Variants in SLC9A8 observed in about 807,000 individuals in gnomAD.
SLC9A8 encodes sodium/hydrogen exchanger 8.
Under a neutral mutation model 66.6 loss-of-function variants are expected in SLC9A8, and 48 were observed. The observed-to-expected ratio is 0.72, with a 90% CI of 0.57 to 0.92. The LOEUF (loss-of-function observed/expected upper bound fraction) is 0.92, where lower values mean the gene tolerates loss of function less well. Ranked by LOEUF, SLC9A8 falls within the 40% of genes least tolerant of loss-of-function variation. SLC9A8 has a pLI of 0.00. For missense variants in SLC9A8, 599 were observed against 747.3 expected, an observed-to-expected ratio of 0.80 and a Z score of 2.31; for synonymous variants, 274 against 282.6, an observed-to-expected ratio of 0.97 and a Z score of 0.31.
intron 14 of SLC9A8, chr20:49,884,274 G>GACACACACACACACGACACACAC (rs2089780574): frequency 5.8e-4 from 70 of 120,506 alleles, no homozygotes; most frequent in African/African-American, 1.0e-3. Flanking sequence ...ACACACACAC[G>GACACACACACACACGACACACAC]ACACACACAC....
chr20:49,840,914 C>G (rs1160913899), intron 4 of SLC9A8, among the ~76,000 whole-genome samples: 1 of 149,834 alleles, frequency 6.7e-6, no homozygotes, highest in African/African-American at 2.5e-5. Flanking sequence ...CTCAGGAGCT[C>G]GAGACCAGCC....
chr20:49,865,493 G>T (rs944061018), intron 10 of SLC9A8, among the ~76,000 whole-genome samples: 2 of 152,198 alleles, frequency 1.3e-5, no homozygotes, highest in Non-Finnish European at 2.9e-5. Flanking sequence ...ACAAGCAGTG[G>T]TGGTAGTGAG....
At chr20:49,834,434 TA>T (rs2087434968) in intron 3 of SLC9A8, among the ~76,000 whole-genome samples, 1 of 25,966 alleles carries the variant, frequency 3.9e-5, no homozygotes, top group South Asian at 7.0e-4. Context: ...ATATATACTG[TA>T]TATATATATA....
chr20:49,825,735 CTT>C (rs1212852526), intron 3 of SLC9A8, among the ~76,000 whole-genome samples: 1 of 152,186 alleles, frequency 6.6e-6, no homozygotes, highest in Admixed American at 6.5e-5. Context: ...TAGCTTGAGA[CTT>C]AGCTGAATCA....
At chr20:49,874,312 G>A (rs750802725) in intron 10 of SLC9A8, among the ~76,000 whole-genome samples, 3 of 152,114 alleles carry the variant, frequency 2.0e-5, no homozygotes, top group Non-Finnish European at 2.9e-5. Context: ...ATAGCCACAG[G>A]TTCCACATCT....
At chr20:49,821,534 G>A (rs1211818129) in intron 2 of SLC9A8, among the ~76,000 whole-genome samples, 1 of 152,128 alleles carries the variant, frequency 6.6e-6, no homozygotes, top group Non-Finnish European at 1.5e-5. Context: ...GTGTTTTTTG[G>A]TGGGATTAAA....
At chr20:49,865,718 A>G (rs1169452840) in intron 10 of SLC9A8, among the ~76,000 whole-genome samples, 3 of 152,226 alleles carry the variant, frequency 2.0e-5, no homozygotes, top group African/African-American at 7.2e-5. Flanking sequence ...TCTGCCTACA[A>G]GTGGCAGTCA....
intron 8 of SLC9A8, among the ~76,000 whole-genome samples, chr20:49,856,532 TC>T (rs2088490247): frequency 6.6e-6 from 1 of 151,958 alleles, no homozygotes; most frequent in Admixed American, 6.6e-5. Context: ...TGTCAAGAAG[TC>T]ATTGGGGGCC....
intron 3 of SLC9A8, among the ~76,000 whole-genome samples, chr20:49,825,667 G>A (rs2086889288): frequency 6.6e-6 from 1 of 152,008 alleles, no homozygotes; most frequent in Non-Finnish European, 1.5e-5. Flanking sequence ...AAAAAAATTG[G>A]TGGGGGTAGG....
At chr20:49,824,025 ACTCTGTTCACTAGC>A (rs1188331733) in intron 3 of SLC9A8, among the ~76,000 whole-genome samples, 1 of 151,918 alleles carries the variant, frequency 6.6e-6, no homozygotes, top group Non-Finnish European at 1.5e-5. Context: ...GATTGTTTAG[ACTCTGTTCACTAGC>A]CTCCCCCTCC....
intron 1 of SLC9A8, among the ~76,000 whole-genome samples, chr20:49,813,521 A>G (rs1168361682): frequency 6.6e-6 from 1 of 152,202 alleles, no homozygotes; most frequent in East Asian, 1.9e-4. Flanking sequence ...GATCGTGATT[A>G]ATTAACGTTA....
At chr20:49,821,744 A>G (rs1432352468) in intron 2 of SLC9A8, among the ~76,000 whole-genome samples, 5 of 152,216 alleles carry the variant, frequency 3.3e-5, no homozygotes, top group Non-Finnish European at 7.3e-5. Context: ...ACATTCAGGA[A>G]TAATTTTTGT....
chr20:49,855,321 T>G, intron 7 of SLC9A8, 117 bp from the exon 8 acceptor site: 2 of 1,030,880 alleles, frequency 1.9e-6, no homozygotes, highest in East Asian at 4.8e-5. Context: ...CTGTAATTAA[T>G]TCAGCTCTAG....
chr20:49,834,337 ATATATATATACTG>A lies in SLC9A8; in HGVS notation c.290-5193_290-5181del, dbSNP rs1568812862. Among the ~76,000 whole-genome samples, 33 of 93,686 alleles carry A rather than the reference ATATATATATACTG, an allele frequency of 3.5e-4. 1 individual carries two copies. The highest frequency in any genetic ancestry group is 5.3e-4 in the South Asian group (2 of 3,780). 61.5% of individuals were successfully genotyped at this position (93,686 alleles called of 152,430 possible). ...GTGTATATATATATATACTGTGTAT[ATATATATATACTG>A]TATATATATATATACTGTGTATATA... On this transcript the variant is annotated intron_variant, in intron 3 of 15. Transcript: ENST00000361573.
chr20:49,882,846 C>T (rs1568879809), intron 13 of SLC9A8, among the ~76,000 whole-genome samples: 1 of 152,222 alleles, frequency 6.6e-6, no homozygotes, highest in Admixed American at 6.5e-5. Context: ...GTCCCTTGTC[C>T]TCACCATGTC....
At chr20:49,850,615 C>T in intron 6 of SLC9A8, 195 bp from the exon 7 acceptor site, 1 of 580,046 alleles carries the variant, frequency 1.7e-6, no homozygotes, top group Non-Finnish European at 2.9e-6. Flanking sequence ...CATTCTTTTC[C>T]ATACTCTCGT....
chr20:49,831,162 G>A (rs529919486), intron 3 of SLC9A8: 169 of 481,502 alleles, frequency 3.5e-4, no homozygotes, highest in Admixed American at 5.8e-4. Context: ...AGGGGCCTGG[G>A]ACTTTGCTCT....
At chr20:49,843,187 T>C (rs1246875512) in intron 4 of SLC9A8, among the ~76,000 whole-genome samples, 1 of 151,662 alleles carries the variant, frequency 6.6e-6, no homozygotes, top group Non-Finnish European at 1.5e-5. Flanking sequence ...ATTCTCCTTT[T>C]TCCTGGGGTG....
intron 4 of SLC9A8, 137 bp downstream of exon 4, chr20:49,839,736 G>C: frequency 2.2e-6 from 1 of 456,232 alleles, no homozygotes. Context: ...TTTTTTATTA[G>C]ATACAGGTTG....
Sources: gnomAD v4.1 joint callset for allele counts (sites outside exome capture counted in the v4.1 genomes callset) on GRCh38, gnomAD v4.1.1 for gene constraint, MANE v1.5 for transcripts, NCBI Gene and HGNC (gene_info 2026-07-23, HGNC 2026-07-21) for gene names.